ANO7: variants seen among roughly 807,000 people sequenced by gnomAD.
ANO7 encodes the protein anoctamin 7, also known as anoctamin-7.
Under a neutral mutation model 115.8 loss-of-function variants are expected in ANO7, and 114 were observed. The observed-to-expected ratio is 0.98, with a 90% CI of 0.85 to 1.15. ANO7 has a LOEUF of 1.15. Ranked by LOEUF, ANO7 falls within the 50% of genes most tolerant of loss-of-function variation. The pLI is 0.00. For missense variants in ANO7, 1,302 were observed against 1,201.2 expected (o/e 1.08, Z -1.24); for synonymous variants, 550 against 498.2 (o/e 1.10, Z -1.38).
At chr2:241,193,832 T>C (rs1467016285) in intron 3 of ANO7, among the ~76,000 whole-genome samples, 3 of 152,194 alleles carry the variant, frequency 2.0e-5, no homozygotes, top group Admixed American at 6.5e-5. Flanking sequence ...TCAAATATGG[T>C]ATTTTCTCCA....
chr2:241,204,092 C>T (rs928246428), intron 9 of ANO7, among the ~76,000 whole-genome samples: 1 of 152,200 alleles, frequency 6.6e-6, no homozygotes, highest in Non-Finnish European at 1.5e-5. Flanking sequence ...GCGGGGCCGG[C>T]AGGCATGGAA....
intron 24 of ANO7, 28 bp downstream of exon 24, chr2:241,223,983 C>T (rs771571529): frequency 2.5e-6 from 4 of 1,613,912 alleles, no homozygotes; most frequent in Non-Finnish European, 3.4e-6. Context: ...CAGGCCCCTG[C>T]CCCGTGCACT....
chr2:241,222,979 C>T (rs1426856394), intron 21 of ANO7, among the ~76,000 whole-genome samples: 1 of 152,190 alleles, frequency 6.6e-6, no homozygotes, highest in Non-Finnish European at 1.5e-5. Context: ...GCACATCCAC[C>T]TTTGGAACCC....
At chr2:241,223,437 G>A in intron 22 of ANO7, 161 bp downstream of exon 22, 1 of 1,055,402 alleles carries the variant, frequency 9.5e-7, no homozygotes, top group East Asian at 2.5e-5. Context: ...TCCCTGCCTG[G>A]CCTCATCCCT....
intron 21 of ANO7, among the ~76,000 whole-genome samples, chr2:241,219,692 C>T (rs946527094): frequency 2.0e-5 from 3 of 151,172 alleles, no homozygotes; most frequent in African/African-American, 7.3e-5. Context: ...CTCAGCTTCC[C>T]GAGAAGCCAG....
intron 9 of ANO7, 45 bp from the exon 10 acceptor site, chr2:241,204,820 C>A: frequency 1.3e-6 from 2 of 1,557,378 alleles, no homozygotes; most frequent in Non-Finnish European, 1.8e-6. Context: ...CTGGGGCCCC[C>A]AAGCCTGGGT....
chr2:241,229,950 C>T (rs756307701), downstream of ANO7: 1 of 1,600,232 alleles, frequency 6.2e-7, no homozygotes, highest in Non-Finnish European at 8.5e-7. Context: ...CACTGTCCAC[C>T]ACGTCAGCTA....
At chr2:241,235,336 G>A in the ANO7 span, 1 of 1,588,286 alleles carries the variant, frequency 6.3e-7, no homozygotes, top group African/African-American at 1.3e-5. Flanking sequence ...CCCAGAAGTG[G>A]TGAGAGGGAA....
chr2:241,236,837 C>A, the ANO7 span: 1 of 1,537,648 alleles, frequency 6.5e-7, no homozygotes, highest in South Asian at 1.2e-5. Context: ...GTTCAGAATG[C>A]ATATGTCTGT....
intron 21 of ANO7, among the ~76,000 whole-genome samples, chr2:241,222,590 TG>T (rs1412112868): frequency 1.3e-5 from 2 of 152,142 alleles, no homozygotes; most frequent in Non-Finnish European, 2.9e-5. Context: ...TTTGGTTTTT[TG>T]TTTTTTTTAT....
Position 241,204,954 on chromosome 2 carries a change from A to G in ANO7, c.979A>G (p.Thr327Ala), listed in dbSNP as rs762759821. Reference sequence around the variant, plus strand: ...CTTCCTGGTGTTCTCAGACATACCCACGTGAGTGTTCCCTCTCCGCAGCTC... The same window carrying G: ...CTTCCTGGTGTTCTCAGACATACCCGCGTGAGTGTTCCCTCTCCGCAGCTC... Reference protein sequence around the residue: ...GCFLVFSDIPTQELCGSKDSF... With the variant: ...GCFLVFSDIPAQELCGSKDSF... The change falls in exon 10 of 25, where the codon ACG becomes GCG. Residue 327 changes from threonine (T) to alanine (A), a missense_variant and splice_region_variant. Transcript: ENST00000674324. The G allele has an allele frequency of 6.2e-7, 1 of 1,613,836 alleles. No individual in the cohort carries two copies. The highest frequency in any genetic ancestry group is 1.7e-5 in the Admixed American group (1 of 60,008).
intron 19 of ANO7, among the ~76,000 whole-genome samples, chr2:241,216,769 G>T (rs2068838862): frequency 6.6e-6 from 1 of 152,242 alleles, no homozygotes; most frequent in Non-Finnish European, 1.5e-5. Flanking sequence ...TGCCGTCCCT[G>T]CAGTGCAGGG....
downstream of ANO7, chr2:241,229,985 AG>A: frequency 6.3e-7 from 1 of 1,583,564 alleles, no homozygotes. Context: ...ACAGGAAGAC[AG>A]GGTCAGTCTG....
the ANO7 span, chr2:241,239,758 G>A: frequency 6.2e-7 from 1 of 1,614,166 alleles, no homozygotes; most frequent in Non-Finnish European, 8.5e-7. The surrounding 1 kb of genome is among the most constrained non-coding windows in gnomAD (Gnocchi z 4.6). Flanking sequence ...CCTGGCCTCT[G>A]CGGATGACGA....
At chr2:241,238,069 G>A in the ANO7 span, among the ~76,000 whole-genome samples, 1 of 152,236 alleles carries the variant, frequency 6.6e-6, no homozygotes, top group Non-Finnish European at 1.5e-5. This position sits in a 1 kb window ranked among gnomAD's most constrained non-coding sequence, Gnocchi z 4.9. Context: ...AGAGTGGAGG[G>A]CATACCTTTT....
intron 4 of ANO7, among the ~76,000 whole-genome samples, chr2:241,196,426 G>T (rs377062257): frequency 6.6e-6 from 1 of 152,212 alleles, no homozygotes; most frequent in Non-Finnish European, 1.5e-5. Flanking sequence ...TCATTGCCAG[G>T]TCTGTCCAAG....
In ANO7 at chr2:241,202,323, G is replaced by T. The variant is rs755028351; in HGVS notation, c.723+19G>T. 6.2e-7 allele frequency: 1 copy of T among 1,607,988 alleles called. No individual in the cohort carries two copies. Among genetic ancestry groups the T allele is most frequent in the Non-Finnish European group, 8.5e-7 (1 of 1,177,852 alleles). ...GCATGACGTGAGCTCGGGGGCTGGG[G>T]GCTCCAGCCTGGGTATGGGAGATGA... On this transcript the variant is annotated intron_variant, in intron 8 of 24. Coordinates refer to ENST00000674324, the MANE Select transcript of ANO7 (RefSeq NM_001370694.2).
the ANO7 span, chr2:241,235,274 G>C: frequency 6.2e-7 from 1 of 1,614,080 alleles, no homozygotes; most frequent in East Asian, 2.2e-5. Flanking sequence ...AGAGGGGGCT[G>C]ACTTGACGTT....
At chr2:241,221,248 G>A (rs2069005199) in intron 21 of ANO7, among the ~76,000 whole-genome samples, 2 of 149,968 alleles carry the variant, frequency 1.3e-5, no homozygotes, top group Non-Finnish European at 3.0e-5. Flanking sequence ...GCTAATTTTT[G>A]TATATTTAGT....
Sources: gnomAD v4.1 joint callset for allele counts (sites outside exome capture counted in the v4.1 genomes callset) on GRCh38, gnomAD v4.1.1 for gene constraint, Gnocchi (gnomAD v3.1) non-coding constraint, MANE v1.5 for transcripts, NCBI Gene and HGNC (gene_info 2026-07-23, HGNC 2026-07-21) for gene names.